The following RTN3 variants were observed in gnomAD, a reference collection of about 807,000 sequenced individuals.
The protein encoded by RTN3 is reticulon 3, also known as reticulon-3.
Under a neutral mutation model 77.8 loss-of-function variants are expected in RTN3, and 49 were observed. The observed-to-expected ratio is 0.63, with a 90% confidence interval of 0.50 to 0.80. The LOEUF (loss-of-function observed/expected upper bound fraction) is 0.80, where lower values mean the gene tolerates loss of function less well. Among genes scored for constraint, RTN3 ranks in the 30% least tolerant of loss-of-function variants. The pLI is 0.00. For missense variants in RTN3, 1,236 were observed against 1,211.9 expected, an observed-to-expected ratio of 1.02 and a Z score of -0.29; for synonymous variants, 464 against 446.9, an observed-to-expected ratio of 1.04 and a Z score of -0.48.
intron 4 of RTN3, among the ~76,000 whole-genome samples, chr11:63,750,626 A>G (rs1380715885): frequency 1.3e-5 from 2 of 148,932 alleles, no homozygotes; most frequent in African/African-American, 2.5e-5. Flanking sequence ...CTAATTTTGT[A>G]TTTTTACTAG....
intron 3 of RTN3, among the ~76,000 whole-genome samples, chr11:63,727,344 C>A (rs1283033179): frequency 6.6e-6 from 1 of 152,040 alleles, no homozygotes; most frequent in Non-Finnish European, 1.5e-5. Context: ...AAGAGACAAT[C>A]GATAGAAACT....
intron 1 of RTN3, among the ~76,000 whole-genome samples, chr11:63,691,749 G>A (rs1360641250): frequency 6.6e-6 from 1 of 152,150 alleles, no homozygotes; most frequent in Non-Finnish European, 1.5e-5. Flanking sequence ...GACCAATTCT[G>A]TCAATCTCCA....
rs931150556 is a variant in RTN3, at chr11:63,700,960, C to T, written c.143-3891C>T. ...AAAAAATTAGCCAGGTGTGGTGGTG[C>T]GCGCCTGTAGTCCCAGCTACTCGGG... On this transcript the variant is annotated intron_variant, in intron 1 of 8. Coordinates refer to ENST00000377819, the MANE Select transcript of RTN3 (RefSeq NM_001265589.2). Among the ~76,000 whole-genome samples, 3 of 151,506 alleles carry T rather than the reference C, an allele frequency of 2.0e-5. 1 individual carries two copies. Among genetic ancestry groups the T allele is most frequent in the Non-Finnish European group, 4.4e-5 (3 of 67,902 alleles).
chr11:63,747,141 G>A (rs2013844652), intron 3 of RTN3: 1 of 398,504 alleles, frequency 2.5e-6, no homozygotes, highest in Non-Finnish European at 5.1e-6. Flanking sequence ...TTAGATGCAG[G>A]TTACATGTTT....
In RTN3 at chr11:63,709,871, T is replaced by C. The variant is rs887762616; in HGVS notation, c.199+4964T>C. On this transcript the variant is annotated intron_variant, in intron 2 of 8. Transcript: ENST00000377819. ...CAGGCTGGCACCCATTCTTCACTGATGTATATAGTTATTCCATGTTATAGA... is the reference window on the plus strand; with the variant it reads ...CAGGCTGGCACCCATTCTTCACTGACGTATATAGTTATTCCATGTTATAGA... 9.2e-5 allele frequency among the ~76,000 whole-genome samples: 14 copies of C among 152,238 alleles called. No individual in the cohort carries two copies. In the East Asian group the frequency reaches 2.7e-3, roughly 29 times the overall value.
chr11:63,742,730 G>C (rs2013561066), intron 3 of RTN3, among the ~76,000 whole-genome samples: 1 of 152,148 alleles, frequency 6.6e-6, no homozygotes, highest in African/African-American at 2.4e-5. Flanking sequence ...GCAATTTTGA[G>C]TCTTCCAACC....
chr11:63,713,579 A>G (rs367687809), intron 2 of RTN3, among the ~76,000 whole-genome samples: 5 of 152,218 alleles, frequency 3.3e-5, no homozygotes, highest in East Asian at 3.9e-4. Context: ...TCAAAGTGCT[A>G]GGATTACAGG....
At chr11:63,704,725 A>T (rs1165888092) in intron 1 of RTN3, 126 bp from the exon 2 acceptor site, 1 of 605,106 alleles carries the variant, frequency 1.7e-6, no homozygotes, top group Non-Finnish European at 2.9e-6. Context: ...TAAAGATTTG[A>T]GTTTTCCTCC....
At chr11:63,691,690 C>T (rs1941668027) in intron 1 of RTN3, among the ~76,000 whole-genome samples, 1 of 152,194 alleles carries the variant, frequency 6.6e-6, no homozygotes, top group Non-Finnish European at 1.5e-5. Flanking sequence ...CTCATAGAAG[C>T]CATCAGCAAA....
intron 7 of RTN3, among the ~76,000 whole-genome samples, chr11:63,754,448 C>A (rs1428667355): frequency 2.0e-5 from 3 of 152,138 alleles, no homozygotes; most frequent in Non-Finnish European, 4.4e-5. Flanking sequence ...CGCCTGTAAT[C>A]CCAGCACTTT....
At chr11:63,689,130 T>A (rs974976422) in intron 1 of RTN3, among the ~76,000 whole-genome samples, 3 of 152,224 alleles carry the variant, frequency 2.0e-5, no homozygotes, top group African/African-American at 7.2e-5. Context: ...TGTGAAAAAT[T>A]CATCAATTTT....
At chr11:63,718,115 C>T (rs1412136582) in intron 2 of RTN3, among the ~76,000 whole-genome samples, 4 of 152,000 alleles carry the variant, frequency 2.6e-5, no homozygotes, top group Non-Finnish European at 4.4e-5. Flanking sequence ...CAGATTCTCC[C>T]TGTGGATAGA....
intron 3 of RTN3, among the ~76,000 whole-genome samples, chr11:63,724,510 AAGAC>A (rs1177268465): frequency 2.0e-5 from 2 of 97,718 alleles, no homozygotes; most frequent in African/African-American, 4.0e-5. Flanking sequence ...TTTTTTTTTA[AAGAC>A]AGAGTCTCAC....
chr11:63,718,271 C>T (rs2011515690), intron 2 of RTN3, among the ~76,000 whole-genome samples: 4 of 152,094 alleles, frequency 2.6e-5, no homozygotes, highest in Admixed American at 2.6e-4. Flanking sequence ...CTGAATTGTT[C>T]AGCTTACAGA....
chr11:63,705,715 C>T (rs991194475), intron 2 of RTN3, among the ~76,000 whole-genome samples: 1 of 152,300 alleles, frequency 6.6e-6, no homozygotes, highest in Non-Finnish European at 1.5e-5. Flanking sequence ...TGCCTACAAA[C>T]ATTGAACAAG....
At chr11:63,690,743 A>G (rs951153452) in intron 1 of RTN3, among the ~76,000 whole-genome samples, 5 of 152,184 alleles carry the variant, frequency 3.3e-5, no homozygotes, top group East Asian at 1.9e-4. Context: ...TATTTTCCAC[A>G]TTGTTAAATT....
chr11:63,742,704 G>A (rs898301360), intron 3 of RTN3, among the ~76,000 whole-genome samples: 5 of 152,134 alleles, frequency 3.3e-5, no homozygotes, highest in Non-Finnish European at 7.4e-5. Flanking sequence ...TCAATTTGGG[G>A]ATAATTAATG....
chr11:63,732,935 A>G (rs2012797757), intron 3 of RTN3, among the ~76,000 whole-genome samples: 1 of 152,250 alleles, frequency 6.6e-6, no homozygotes, highest in South Asian at 2.1e-4. Context: ...TTAGCAGATC[A>G]TACCAGCAAC....
Position 63,735,584 on chromosome 11 carries a change from CTCTCTCTCTCTCTCTCTT to C in RTN3, c.2531-14403_2531-14386del, listed in dbSNP as rs1459505890. Reference sequence around the variant, plus strand: ...TCTCTCTCTCTCTCTCTCTCTCTCTCTCTCTCTCTCTCTCTCTTTCTTTCAACCCCTGTTTCCTGGGCT... The same window carrying C: ...TCTCTCTCTCTCTCTCTCTCTCTCTCTCTTTCAACCCCTGTTTCCTGGGCT... On this transcript the variant is annotated intron_variant, in intron 3 of 8. Transcript: ENST00000377819. 2.2e-3 allele frequency among the ~76,000 whole-genome samples: 328 copies of C among 149,774 alleles called. 2 individuals carry two copies. The highest frequency in any genetic ancestry group is 7.3e-3 in the African/African-American group (298 of 40,602).
Sources: allele counts gnomAD v4.1 joint callset (sites outside exome capture counted in the v4.1 genomes callset), GRCh38; gene constraint gnomAD v4.1.1; transcripts MANE v1.5; gene names NCBI Gene and HGNC (gene_info 2026-07-23, HGNC 2026-07-21).